Variants in LRRTM4 observed in about 807,000 individuals in gnomAD.
The protein encoded by LRRTM4 is leucine rich repeat transmembrane neuronal 4.
LRRTM4 carries 25 observed loss-of-function variants against 47.6 expected under a neutral mutation model. That is an observed-to-expected ratio of 0.53 (90% CI 0.38 to 0.73). The LOEUF is 0.73. LRRTM4 is among the 30% of genes least tolerant of loss of function. The probability of loss-of-function intolerance (pLI) is 0.00; values close to 1 mark genes in which losing one functional copy is unlikely to be tolerated. For missense variants in LRRTM4, 638 were observed against 713.4 expected, an observed-to-expected ratio of 0.89 and a Z score of 1.20; for synonymous variants, 311 against 269.5, an observed-to-expected ratio of 1.15 and a Z score of -1.51.
At chr2:77,397,667 CTCCATTATTTTG>C (rs1553438913) in intron 3 of LRRTM4, among the ~76,000 whole-genome samples, 18 of 151,926 alleles carry the variant, frequency 1.2e-4, no homozygotes, top group Non-Finnish European at 1.5e-5. Flanking sequence ...TAGCTATTAT[CTCCATTATTTTG>C]TCCTGATTCT....
intron 3 of LRRTM4, among the ~76,000 whole-genome samples, chr2:77,481,742 A>G (rs1024420055): frequency 2.6e-5 from 4 of 152,326 alleles, no homozygotes; most frequent in Admixed American, 6.5e-5. Flanking sequence ...GTCAGTTTCT[A>G]TCTATGGATA....
chr2:77,063,616 A>G (rs1301726873), intron 3 of LRRTM4, among the ~76,000 whole-genome samples: 1 of 152,150 alleles, frequency 6.6e-6, no homozygotes, highest in African/African-American at 2.4e-5. Flanking sequence ...TGCACATAAG[A>G]GGAAAATGTT....
chr2:77,457,106 T>C lies in LRRTM4; in HGVS notation c.1551+61212A>G, dbSNP rs146275426. ...TGCTTCACTTCTCTTGGTGATTTTT[T>C]TTTTCTCAGTGATTTTTAAAAATAC... On this transcript the variant is annotated intron_variant, in intron 3 of 3. Coordinates refer to ENST00000409884, the MANE Select transcript of LRRTM4 (RefSeq NM_001134745.3). Among the ~76,000 whole-genome samples the C allele has an allele frequency of 9.2e-3, 1,301 of 141,950 alleles. 19 individuals are homozygous for C. The highest frequency in any genetic ancestry group is 0.032 in the African/African-American group (1,242 of 38,324). 93.1% of individuals were successfully genotyped at this position (141,950 alleles called of 152,430 possible).
intron 3 of LRRTM4, among the ~76,000 whole-genome samples, chr2:77,389,837 C>A (rs1339203387): frequency 6.6e-6 from 1 of 151,894 alleles, no homozygotes; most frequent in Non-Finnish European, 1.5e-5. Flanking sequence ...CTTTTCATTT[C>A]TTGAGCACCT....
At chr2:77,108,610 G>C (rs1372681912) in intron 3 of LRRTM4, among the ~76,000 whole-genome samples, 4 of 142,140 alleles carry the variant, frequency 2.8e-5, no homozygotes, top group Non-Finnish European at 6.0e-5. Flanking sequence ...TTGAGACGGA[G>C]TCTCGCTCTG....
intron 3 of LRRTM4, among the ~76,000 whole-genome samples, chr2:77,018,203 G>A (rs929891033): frequency 3.0e-5 from 2 of 67,722 alleles, no homozygotes; most frequent in Non-Finnish European, 3.2e-5. Flanking sequence ...AATTTTTTTT[G>A]TTTTTTTTTT....
In LRRTM4 at chr2:76,748,130, C is replaced by T. The variant is rs143302873; in HGVS notation, c.*565G>A. The T allele has an allele frequency of 6.5e-6, 1 of 153,260 alleles. No individual in the cohort carries two copies. The highest frequency in any genetic ancestry group is 1.5e-5 in the Non-Finnish European group (1 of 68,850). 9.5% of individuals were successfully genotyped at this position (153,260 alleles called of 1,614,324 possible). ...ACATTTTCTTTTGGTACAACATAAG[C>T]TTTAATGCTCATGTTTTGTATTAGA... On this transcript the variant is annotated 3_prime_UTR_variant, in exon 4 of 4. Coordinates refer to ENST00000409884, the MANE Select transcript of LRRTM4 (RefSeq NM_001134745.3).
chr2:76,843,177 G>C (rs962620205), intron 3 of LRRTM4, among the ~76,000 whole-genome samples: 3 of 152,100 alleles, frequency 2.0e-5, no homozygotes, highest in African/African-American at 4.8e-5. Flanking sequence ...GAGAAGTAGA[G>C]AAACAATCTA....
At chr2:76,808,420 G>C (rs184452511) in intron 3 of LRRTM4, among the ~76,000 whole-genome samples, 1 of 143,724 alleles carries the variant, frequency 7.0e-6, no homozygotes, top group East Asian at 2.0e-4. Flanking sequence ...CAACTGCATT[G>C]AAAATATATA....
chr2:77,115,645 G>A (rs916960677), intron 3 of LRRTM4, among the ~76,000 whole-genome samples: 6 of 152,142 alleles, frequency 3.9e-5, no homozygotes, highest in Non-Finnish European at 8.8e-5. Flanking sequence ...GTGGAACTTG[G>A]TAGCAAGATG....
At chr2:77,015,786 G>A (rs765380543) in intron 3 of LRRTM4, among the ~76,000 whole-genome samples, 27 of 152,082 alleles carry the variant, frequency 1.8e-4, no homozygotes, top group East Asian at 9.7e-4. Context: ...AGGACTTGCC[G>A]CCATGCTTAC....
chr2:77,442,935 G>T lies in LRRTM4; in HGVS notation c.1551+75383C>A, dbSNP rs188451099. ...CATGGGTCCCTCTTATGGCTTAAAT[G>T]ATATAATCTGGGTACATCATTTTGT... On this transcript the variant is annotated intron_variant, in intron 3 of 3. Transcript: ENST00000409884. Among the ~76,000 whole-genome samples, 38 of 152,258 alleles carry T rather than the reference G, an allele frequency of 2.5e-4. No individual in the cohort carries two copies. In the East Asian group the frequency reaches 7.2e-3, roughly 29 times the overall value.
chr2:77,360,553 C>CA (rs1238292714), intron 3 of LRRTM4, among the ~76,000 whole-genome samples: 7 of 75,242 alleles, frequency 9.3e-5, no homozygotes, highest in African/African-American at 1.2e-4. Flanking sequence ...ATCATTCATA[C>CA]ATACATACAT....
intron 3 of LRRTM4, among the ~76,000 whole-genome samples, chr2:77,312,938 CTT>C (rs1248136140): frequency 5.3e-5 from 8 of 152,090 alleles, no homozygotes; most frequent in African/African-American, 1.9e-4. Context: ...AGGGAAAACA[CTT>C]GAGAAAGATA....
chr2:76,843,321 A>C lies in LRRTM4; in HGVS notation c.1552-94405T>G, dbSNP rs73940075. ...GGGCTTATATTAAATGTATATTCCA[A>C]AAATATTTAAGATTGACTTCTAAAG... On this transcript the variant is annotated intron_variant, in intron 3 of 3. Transcript: ENST00000409884. Among the ~76,000 whole-genome samples the C allele has an allele frequency of 5.7e-3, 874 of 152,278 alleles. 11 individuals carry two copies. Among genetic ancestry groups the C allele is most frequent in the African/African-American group, 0.02 (830 of 41,540 alleles).
In LRRTM4 at chr2:77,519,295, G is replaced by A. The variant is rs1186071356; in HGVS notation, c.574C>T (p.Arg192Cys). 1.2e-6 allele frequency: 2 copies of A among 1,613,320 alleles called. No individual in the cohort carries two copies. The highest frequency in any genetic ancestry group is 1.7e-5 in the Admixed American group (1 of 59,902). ...GCATTTCGGGACAAGCTTCGAAGAC[G>A]ATTGTAACCCAAATCCAAAAAATCA... ...NLDFLDLGYN[R>C]LRSLSRNAFA... The change falls in exon 3 of 4, where the codon CGT (arginine) becomes TGT (cysteine). Residue 192 changes from arginine to cysteine, a missense_variant. Transcript: ENST00000409884. The surrounding 1 kb of genome is among the most constrained non-coding windows in gnomAD (Gnocchi z 4.6).
chr2:76,818,889 T>C (rs955080965), intron 3 of LRRTM4, among the ~76,000 whole-genome samples: 3 of 151,872 alleles, frequency 2.0e-5, no homozygotes, highest in African/African-American at 4.8e-5. Flanking sequence ...TATTAAATAC[T>C]AGTAAAACCA....
Position 77,123,540 on chromosome 2 carries a change from A to G in LRRTM4, c.1552-374624T>C, listed in dbSNP as rs556468961. On this transcript the variant is annotated intron_variant, in intron 3 of 3. Coordinates refer to ENST00000409884, the MANE Select transcript of LRRTM4 (RefSeq NM_001134745.3). ...AGAACCTAAAATAGCAAAGATTCAT[A>G]AAACCAATATATAATCTTGGCCTTA... Among the ~76,000 whole-genome samples, 3 of 152,252 alleles carry G rather than the reference A, an allele frequency of 2.0e-5. No individual in the cohort carries two copies. In the South Asian group the frequency reaches 6.2e-4, roughly 32 times the overall value.
chr2:76,766,100 A>G (rs1673444186), intron 3 of LRRTM4, among the ~76,000 whole-genome samples: 1 of 152,170 alleles, frequency 6.6e-6, no homozygotes. Context: ...CAGAGAAAGT[A>G]CCTCTGAATT....
Sources: allele counts gnomAD v4.1 joint callset (sites outside exome capture counted in the v4.1 genomes callset), GRCh38; gene constraint gnomAD v4.1.1; non-coding constraint Gnocchi (gnomAD v3.1); transcripts MANE v1.5; gene names NCBI Gene and HGNC (gene_info 2026-07-23, HGNC 2026-07-21).